The following MICU3 variants were observed in gnomAD, a reference collection of about 807,000 sequenced individuals.
The protein encoded by MICU3 is calcium uptake protein 3, mitochondrial.
Under a neutral mutation model 66.5 loss-of-function variants are expected in MICU3, and 62 were observed. The observed-to-expected ratio is 0.93, with a 90% CI of 0.76 to 1.15. The LOEUF is 1.15. Ranked by LOEUF, MICU3 falls within the 50% of genes most tolerant of loss-of-function variation. The probability of loss-of-function intolerance (pLI) is 0.00; values close to 1 mark genes in which losing one functional copy is unlikely to be tolerated. For missense variants in MICU3, 779 were observed against 664.4 expected, an observed-to-expected ratio of 1.17 and a Z score of -1.90; for synonymous variants, 308 against 240.7, an observed-to-expected ratio of 1.28 and a Z score of -2.59.
chr8:17,042,832 T>C (rs1814398774), intron 1 of MICU3, among the ~76,000 whole-genome samples: 1 of 152,136 alleles, frequency 6.6e-6, no homozygotes, highest in South Asian at 2.1e-4. Flanking sequence ...ATCTATCCAG[T>C]TGACACTGTA....
chr8:17,100,056 T>G (rs1801123827), intron 9 of MICU3, among the ~76,000 whole-genome samples: 1 of 151,846 alleles, frequency 6.6e-6, no homozygotes, highest in East Asian at 1.9e-4. Context: ...GTAGATAGAC[T>G]GGAGGAGCTG....
At chr8:17,098,397 A>T in intron 8 of MICU3, 61 bp from the exon 9 acceptor site, 1 of 1,091,356 alleles carries the variant, frequency 9.2e-7, no homozygotes, top group African/African-American at 1.5e-5. Flanking sequence ...TAAAGTGTAT[A>T]AATTATCATT....
intron 3 of MICU3, among the ~76,000 whole-genome samples, chr8:17,074,609 G>C (rs1012400218): frequency 6.6e-6 from 1 of 151,268 alleles, no homozygotes; most frequent in African/African-American, 2.4e-5. Flanking sequence ...GTGTGTGTGT[G>C]TGTGTGTGTG....
Position 17,118,768 on chromosome 8 carries a change from G to T in MICU3, c.1586G>T (p.Ser529Ile), listed in dbSNP as rs1802937902. ...FKSCLKKELH[S>I]R is the part of the protein sequence containing the mutation. The stretch of plus-strand genomic sequence containing the variant: ...TCCTGCCTGAAGAAAGAACTTCACA[G>T]CAGATAAGTATGTTAGCTTCTATTT... The change falls in exon 14 of 15, where the codon AGC becomes ATC. Residue 529 changes from serine (S) to isoleucine (I), a missense_variant. Coordinates refer to ENST00000318063, the MANE Select transcript of MICU3 (RefSeq NM_181723.3). The T allele has an allele frequency of 6.2e-7, 1 of 1,605,810 alleles. No homozygotes were observed. The highest frequency in any genetic ancestry group is 2.2e-5 in the East Asian group (1 of 44,774).
intron 12 of MICU3, 119 bp from the exon 13 acceptor site, chr8:17,116,324 T>C (rs963387313): frequency 5.0e-6 from 3 of 597,486 alleles, no homozygotes; most frequent in Non-Finnish European, 7.8e-6. Context: ...TGGAAGGCCA[T>C]GTTGCATAAG....
intron 11 of MICU3, among the ~76,000 whole-genome samples, chr8:17,108,990 T>C (rs1408365758): frequency 1.3e-5 from 2 of 152,116 alleles, no homozygotes; most frequent in African/African-American, 4.8e-5. Flanking sequence ...CTGATGAGAA[T>C]GTTCTTCCCT....
At chr8:17,037,991 C>G (rs1163841127) in intron 1 of MICU3, among the ~76,000 whole-genome samples, 1 of 152,188 alleles carries the variant, frequency 6.6e-6, no homozygotes, top group East Asian at 1.9e-4. Context: ...TACCCAATGT[C>G]TCTACCCCCT....
At chr8:17,125,155 C>CCTGTAATG, downstream of MICU3, among the ~76,000 whole-genome samples, 1 of 58,280 alleles carries the variant, frequency 1.7e-5, no homozygotes, top group Non-Finnish European at 3.2e-5. Context: ...AGCCTGTAAT[C>CCTGTAATG]TTTCTTTTCC....
chr8:17,107,772 T>C (rs115562960), intron 11 of MICU3, among the ~76,000 whole-genome samples: 20 of 152,322 alleles, frequency 1.3e-4, no homozygotes, highest in African/African-American at 4.8e-4. Context: ...TGCTTTAGCA[T>C]AGGCATGATG....
the MICU3 span, among the ~76,000 whole-genome samples, chr8:17,134,598 C>A: frequency 1.3e-5 from 2 of 152,128 alleles, no homozygotes; most frequent in East Asian, 3.9e-4. Flanking sequence ...GTGCCCACCA[C>A]CACACCTGGC....
chr8:17,069,501 A>G (rs1005809705), intron 2 of MICU3, among the ~76,000 whole-genome samples, 187 bp from the exon 3 acceptor site: 2 of 152,086 alleles, frequency 1.3e-5, no homozygotes, highest in Non-Finnish European at 2.9e-5. Context: ...AGTGCATAGT[A>G]TATATGAAGC....
chr8:17,098,869 C>G (rs1801005721), intron 9 of MICU3, among the ~76,000 whole-genome samples: 2 of 151,458 alleles, frequency 1.3e-5, no homozygotes, highest in South Asian at 4.2e-4. Context: ...AATGTTTCCC[C>G]CAGTAAAAGA....
rs1803167384 is a variant in MICU3, at chr8:17,121,149, T to C, written c.*862T>C. The C allele has an allele frequency of 6.6e-6, 1 of 151,876 alleles. No individual in the cohort carries two copies. Among genetic ancestry groups the C allele is most frequent in the African/African-American group, 2.4e-5 (1 of 41,420 alleles). 9.4% of individuals were successfully genotyped at this position (151,876 alleles called of 1,614,324 possible). A position where few individuals can be genotyped will look rare whatever the true frequency, so the allele number is the denominator to read the frequency against. On this transcript the variant is annotated 3_prime_UTR_variant, in exon 15 of 15. Coordinates refer to ENST00000318063, the MANE Select transcript of MICU3 (RefSeq NM_181723.3). The stretch of plus-strand genomic sequence containing the variant: ...GTTAATAACACTAGTAAAAATAACG[T>C]CTTACACTCTGTAACTTACTGCATA...
chr8:17,128,229 T>TACACACACACAC, the MICU3 span, among the ~76,000 whole-genome samples: 6 of 144,460 alleles, frequency 4.2e-5, no homozygotes, highest in African/African-American at 1.5e-4. Context: ...GAGATCAGTG[T>TACACACACACAC]ACACACACAC....
At chr8:17,080,911 G>T (rs1164826509) in intron 4 of MICU3, among the ~76,000 whole-genome samples, 2 of 152,216 alleles carry the variant, frequency 1.3e-5, no homozygotes, top group Middle Eastern at 3.4e-3. Context: ...ATCTAAATAA[G>T]TATTGTAGAT....
At chr8:17,119,109 T>C (rs776737763) in intron 14 of MICU3, among the ~76,000 whole-genome samples, 1 of 152,180 alleles carries the variant, frequency 6.6e-6, no homozygotes. Flanking sequence ...TCTGGCACTA[T>C]ATTAAGTGTT....
intron 1 of MICU3, among the ~76,000 whole-genome samples, chr8:17,039,895 CTTTTTTTTTT>C (rs35133600): frequency 3.8e-4 from 24 of 62,546 alleles, no homozygotes; most frequent in South Asian, 7.7e-4. Context: ...ATCTTGCATT[CTTTTTTTTTT>C]TTTTTTTTTT....
At position 17,027,403 on chromosome 8, in the gene MICU3, C is replaced by A; in HGVS notation, c.124C>A (p.Pro42Thr). 7.0e-7 allele frequency: 1 copy of A among 1,421,862 alleles called. No individual in the cohort carries two copies. The highest frequency in any genetic ancestry group is 9.1e-7 in the Non-Finnish European group (1 of 1,095,922). The allele number at this position is 1,421,862 out of a possible 1,614,324, so 88.1% of individuals were successfully genotyped here. A position where few individuals can be genotyped will look rare whatever the true frequency, so the allele number is the denominator to read the frequency against. Residue 42 changes from proline to threonine, a missense_variant, in exon 1 of 15, where the codon CCC becomes ACC. By Grantham distance (38) the Pro-to-Thr change is conservative. Transcript: ENST00000318063. ...GACCACCCTGGGCCTTCCTGGCCGGCCCTTCTCCTCCCGAGAGGATGAGGA... is the reference window on the plus strand; with the variant it reads ...GACCACCCTGGGCCTTCCTGGCCGGACCTTCTCCTCCCGAGAGGATGAGGA... ...AVTTLGLPGR[P>T]FSSREDEERA...
chr8:17,074,062 T>A (rs1429221431), intron 3 of MICU3, among the ~76,000 whole-genome samples: 2 of 151,310 alleles, frequency 1.3e-5, no homozygotes, highest in Non-Finnish European at 2.9e-5. Context: ...TTGGTTTTTT[T>A]TTTTATTTTT....
Sources: gnomAD v4.1 joint callset for allele counts (sites outside exome capture counted in the v4.1 genomes callset) on GRCh38, gnomAD v4.1.1 for gene constraint, MANE v1.5 for transcripts, NCBI Gene and HGNC (gene_info 2026-07-23, HGNC 2026-07-21) for gene names.